The following SENP2 variants were observed in gnomAD, a reference collection of about 807,000 sequenced individuals.
SENP2 encodes SUMO specific peptidase 2, also known as sentrin-specific protease 2.
A neutral mutation model predicts 86.3 loss-of-function variants in SENP2; 16 were observed. That is an observed-to-expected ratio of 0.19 (90% CI 0.13 to 0.28). The LOEUF is 0.28. Ranked by LOEUF, SENP2 falls within the 10% of genes least tolerant of loss-of-function variation. The pLI is 1.00. For missense variants in SENP2, 552 were observed against 703.0 expected, an observed-to-expected ratio of 0.79 and a Z score of 2.43; for synonymous variants, 222 against 238.7, an observed-to-expected ratio of 0.93 and a Z score of 0.64.
At chr3:185,615,674 GA>G (rs1711571499) in intron 11 of SENP2, among the ~76,000 whole-genome samples, 1 of 152,100 alleles carries the variant, frequency 6.6e-6, no homozygotes, top group Admixed American at 6.6e-5. Context: ...TGGGTTTATA[GA>G]TTTAGTTTTG....
intron 2 of SENP2, among the ~76,000 whole-genome samples, chr3:185,590,944 T>TTG (rs1721972015): frequency 1.4e-5 from 1 of 73,900 alleles, no homozygotes; most frequent in Admixed American, 1.3e-4. Context: ...TCTTGCTCTG[T>TTG]CGCAGGCTGG....
At chr3:185,606,301 CTTTT>C (rs751142488) in intron 5 of SENP2, 25 bp from the exon 6 acceptor site, 1 of 1,568,396 alleles carries the variant, frequency 6.4e-7, no homozygotes. Flanking sequence ...CTTGGTGATA[CTTTT>C]TTTCTTTTTT....
At chr3:185,626,759 C>T (rs894833028) in intron 16 of SENP2, among the ~76,000 whole-genome samples, 2 of 148,090 alleles carry the variant, frequency 1.4e-5, no homozygotes, top group African/African-American at 5.0e-5. Flanking sequence ...GGTGACAGAG[C>T]GAGACTCTGT....
intron 7 of SENP2, among the ~76,000 whole-genome samples, chr3:185,609,931 G>A (rs1722630729): frequency 1.3e-5 from 2 of 152,082 alleles, no homozygotes; most frequent in Non-Finnish European, 2.9e-5. Flanking sequence ...TTATAGGACA[G>A]CTTGTTAATT....
intron 15 of SENP2, among the ~76,000 whole-genome samples, chr3:185,624,677 A>C (rs1712058199): frequency 6.6e-6 from 1 of 151,912 alleles, no homozygotes; most frequent in South Asian, 2.1e-4. Context: ...GGAATTTGAG[A>C]CCAGCCTGGC....
At chr3:185,604,085 C>T (rs530181447) in intron 5 of SENP2, among the ~76,000 whole-genome samples, 2 of 152,168 alleles carry the variant, frequency 1.3e-5, no homozygotes, top group South Asian at 2.1e-4. Context: ...TGGGCCACTG[C>T]GCTCCAGCCT....
intron 1 of SENP2, among the ~76,000 whole-genome samples, chr3:185,589,806 C>T: frequency 6.6e-6 from 1 of 152,138 alleles, no homozygotes. Context: ...GGACCACACT[C>T]ACTTACCACC....
intron 2 of SENP2, among the ~76,000 whole-genome samples, chr3:185,593,824 G>A (rs560736324): frequency 6.6e-6 from 1 of 151,282 alleles, no homozygotes; most frequent in East Asian, 2.0e-4. Flanking sequence ...CACCTCCCAG[G>A]TTCAAGTGAT....
rs766556308 is a variant in SENP2 at position 185,632,224 on chromosome 3, G to GTTTTTT, written c.*2387_*2392dup. 5.4e-4 allele frequency: 39 copies of GTTTTTT among 71,896 alleles called. No homozygotes were observed. The highest frequency in any genetic ancestry group is 9.5e-4 in the African/African-American group (17 of 17,966). 4.5% of individuals were successfully genotyped at this position (71,896 alleles called of 1,614,324 possible). On this transcript the variant is annotated 3_prime_UTR_variant, in exon 17 of 17. Coordinates refer to ENST00000296257, the MANE Select transcript of SENP2 (RefSeq NM_021627.3). The stretch of plus-strand genomic sequence containing the variant: ...CATTAAAGCCAGTGGTTTTTTTTTT[G>GTTTTTT]TTTTTTTTTTTTGTTTTTTTTTTTT...
chr3:185,611,724 A>G lies in SENP2; in HGVS notation c.796A>G (p.Thr266Ala). Residue 266 changes from threonine (T) to alanine (A), a missense_variant, in exon 8 of 17, where the codon ACT (threonine) becomes GCT (alanine). Physicochemically the swap from Thr to Ala is moderately conservative, Grantham distance 58. Around this residue, in one of 2 missense-constraint regions of SENP2, gnomAD observed 383 missense variants for 427.3 expected, o/e 0.90. Coordinates refer to ENST00000296257, the MANE Select transcript of SENP2 (RefSeq NM_021627.3). ...GEEQNHGVKT[T>A]QFVPKQYRLV... ...AGAGCAAAATCACGGAGTCAAAACAACTCAGTTTGTTCCAAAACAATGTGA... is the reference window on the plus strand; with the variant it reads ...AGAGCAAAATCACGGAGTCAAAACAGCTCAGTTTGTTCCAAAACAATGTGA... 1 of 1,613,080 alleles carries G rather than the reference A, an allele frequency of 6.2e-7. No individual in the cohort carries two copies.
intron 13 of SENP2, among the ~76,000 whole-genome samples, chr3:185,620,268 A>T (rs552340118): frequency 6.6e-6 from 1 of 151,642 alleles, no homozygotes; most frequent in East Asian, 1.9e-4. Context: ...TAGAGACAAG[A>T]GTCTTGTTTT....
chr3:185,610,433 A>T (rs1310339689), intron 7 of SENP2, among the ~76,000 whole-genome samples: 1 of 149,386 alleles, frequency 6.7e-6, no homozygotes, highest in African/African-American at 2.4e-5. Flanking sequence ...GAGTGCTGGG[A>T]TTACAGGCGT....
chr3:185,606,601 T>A, intron 6 of SENP2, 103 bp downstream of exon 6: 1 of 1,009,722 alleles, frequency 9.9e-7, no homozygotes, highest in Non-Finnish European at 1.4e-6. Flanking sequence ...CATACCATTG[T>A]AGGTTTTCCT....
chr3:185,622,496 TG>T (rs1711934519), intron 14 of SENP2, among the ~76,000 whole-genome samples: 1 of 152,190 alleles, frequency 6.6e-6, no homozygotes, highest in South Asian at 2.1e-4. Context: ...TAAGGACAAA[TG>T]AATCTTGTGA....
rs113334500 is a variant in SENP2, at chr3:185,621,945, T to C, written c.1526+40T>C. 6.0e-6 allele frequency: 8 copies of C among 1,330,676 alleles called. No individual in the cohort carries two copies. The African/African-American group carries it at 1.2e-4, about 19-fold the overall frequency. 82.4% of individuals were successfully genotyped at this position (1,330,676 alleles called of 1,614,324 possible). On this transcript the variant is annotated intron_variant, in intron 14 of 16. Transcript: ENST00000296257. The stretch of plus-strand genomic sequence containing the variant: ...AAAACCTCACTACCCCCTGTTGAGG[T>C]GATCTCTCTTTTATCTCATCCTAGG...
intron 5 of SENP2, among the ~76,000 whole-genome samples, chr3:185,604,210 T>C (rs952004698): frequency 1.3e-5 from 2 of 152,222 alleles, no homozygotes; most frequent in African/African-American, 4.8e-5. Context: ...GATAGAAATA[T>C]GTTGTTTAAT....
chr3:185,615,535 G>A (rs528590449), intron 11 of SENP2, among the ~76,000 whole-genome samples: 1 of 152,080 alleles, frequency 6.6e-6, no homozygotes, highest in Admixed American at 6.5e-5. Context: ...GTAGAGACCG[G>A]GTTTCACCAT....
chr3:185,624,067 C>T lies in SENP2; in HGVS notation c.1596C>T (p.His532=), dbSNP rs770914575. 3 of 1,610,024 alleles carry T rather than the reference C, an allele frequency of 1.9e-6. No homozygotes were observed. The highest frequency in any genetic ancestry group is 2.2e-5 in the East Asian group (1 of 44,732). The change falls in exon 15 of 17, where the codon CAC becomes CAT. Residue 532 remains histidine (H), a synonymous_variant. Coordinates refer to ENST00000296257, the MANE Select transcript of SENP2 (RefSeq NM_021627.3). ...TGAATCTTTTAGAGTGGACCCATCA[C>T]AGCATGAAACCACACGTGAGTGACG... ...SDLNLLEWTH[H]SMKPHEIPQQ...
chr3:185,606,209 C>T, intron 5 of SENP2, 121 bp from the exon 6 acceptor site: 1 of 799,206 alleles, frequency 1.3e-6, no homozygotes. Context: ...TTGTACTTGT[C>T]TGACTTGCCA....
Sources: gnomAD v4.1 joint callset for allele counts (sites outside exome capture counted in the v4.1 genomes callset) on GRCh38, gnomAD v4.1.1 for gene constraint, gnomAD v4.1.1 regional missense constraint, MANE v1.5 for transcripts, NCBI Gene and HGNC (gene_info 2026-07-23, HGNC 2026-07-21) for gene names.